Variants in KHDC1 observed in about 807,000 individuals in gnomAD.
KHDC1 encodes the protein KH homology domain-containing protein 1.
A neutral mutation model predicts 24.7 loss-of-function variants in KHDC1; 21 were observed. That is an observed-to-expected ratio of 0.85 (90% CI 0.60 to 1.23). The LOEUF is 1.23. Ranked by LOEUF, KHDC1 falls within the 50% of genes most tolerant of loss-of-function variation. The pLI, the probability that KHDC1 is intolerant of heterozygous loss-of-function variation, is 0.00. For synonymous variants in KHDC1, 98 were observed against 111.7 expected, an observed-to-expected ratio of 0.88 and a Z score of 0.77; for missense variants, 274 against 298.5, an observed-to-expected ratio of 0.92 and a Z score of 0.61.
At chr6:73,288,505 C>T (rs996946239) in intron 2 of KHDC1, among the ~76,000 whole-genome samples, 1 of 152,122 alleles carries the variant, frequency 6.6e-6, no homozygotes, top group East Asian at 1.9e-4. Flanking sequence ...CCTGTAGTCC[C>T]AGCTACTCAG....
intron 2 of KHDC1, among the ~76,000 whole-genome samples, chr6:73,287,534 A>G (rs146808576): frequency 1.3e-5 from 2 of 152,334 alleles, no homozygotes; most frequent in African/African-American, 4.8e-5. Context: ...GCCAGTTTCC[A>G]GATCTGAAAC....
chr6:73,292,752 G>A (rs1767679899), intron 1 of KHDC1: 9 of 729,288 alleles, frequency 1.2e-5, no homozygotes, highest in South Asian at 5.4e-5. Flanking sequence ...GTTCGAAAAC[G>A]TTGGCAGGTG....
intron 2 of KHDC1, among the ~76,000 whole-genome samples, chr6:73,259,652 G>A (rs964173480): frequency 3.9e-5 from 6 of 152,128 alleles, no homozygotes; most frequent in African/African-American, 1.4e-4. Flanking sequence ...TCATCCTTTA[G>A]ATTTATAAAC....
intron 1 of KHDC1, among the ~76,000 whole-genome samples, chr6:73,302,140 T>G (rs1324627296): frequency 6.6e-6 from 1 of 151,772 alleles, no homozygotes; most frequent in Admixed American, 6.6e-5. Context: ...AATACAAAAA[T>G]TAACTGGACA....
chr6:73,265,543 A>AG (rs1767064924), intron 2 of KHDC1, among the ~76,000 whole-genome samples: 1 of 151,702 alleles, frequency 6.6e-6, no homozygotes, highest in African/African-American at 2.4e-5. Context: ...AAAAAAAAAA[A>AG]AAAAAAAAAG....
chr6:73,271,118 A>C (rs1294752295), intron 2 of KHDC1, among the ~76,000 whole-genome samples: 2 of 152,202 alleles, frequency 1.3e-5, no homozygotes, highest in Non-Finnish European at 2.9e-5. Context: ...GGTCACAATC[A>C]ATACCCTTTA....
chr6:73,281,558 A>G (rs1767408985), intron 2 of KHDC1, among the ~76,000 whole-genome samples: 1 of 150,828 alleles, frequency 6.6e-6, no homozygotes, highest in African/African-American at 2.4e-5. Context: ...CAAAGATTCC[A>G]GTGAGCCAAG....
At chr6:73,274,307 A>C (rs1242717845) in intron 2 of KHDC1, 2 of 152,202 alleles carry the variant, frequency 1.3e-5, no homozygotes, top group Non-Finnish European at 1.5e-5. Flanking sequence ...ATCCCAGTCC[A>C]CTTCTATTTA....
rs991255523 is a variant in KHDC1 at position 73,248,837 on chromosome 6, G to A, written c.207-6307C>T. 5.3e-5 allele frequency among the ~76,000 whole-genome samples: 8 copies of A among 150,938 alleles called. No individual in the cohort carries two copies. In the South Asian group the frequency reaches 8.4e-4, roughly 16 times the overall value. ...GTCCTGTGGAGCTATTTGGTATTGC[G>A]TATCAGTGTTAATGTCTGAACTTCA... On this transcript the variant is annotated intron_variant, in intron 2 of 4. Transcript: ENST00000370384.
intron 2 of KHDC1, chr6:73,291,980 A>C: frequency 6.2e-7 from 1 of 1,613,738 alleles, no homozygotes; most frequent in Non-Finnish European, 8.5e-7. Context: ...GTACGACTTA[A>C]CTACTCGCAT....
intron 2 of KHDC1, among the ~76,000 whole-genome samples, chr6:73,270,827 A>G (rs1262009385): frequency 2.6e-5 from 4 of 151,718 alleles, no homozygotes; most frequent in African/African-American, 9.7e-5. Context: ...AGTAGCTGGG[A>G]CTACAGGCGC....
At chr6:73,308,503 G>A (rs1483414811) in intron 1 of KHDC1, among the ~76,000 whole-genome samples, 3 of 150,866 alleles carry the variant, frequency 2.0e-5, no homozygotes, top group African/African-American at 7.3e-5. Context: ...GAACCACCGC[G>A]TCCGGCTTTT....
rs544863361 is a variant in KHDC1, at chr6:73,308,509, C to CT, written c.163+1042dup. ...TACAGGAGTGAACCACCGCGTCCGG[C>CT]TTTTTTTTTTTTCTTTTTGGACAGG... On this transcript the variant is annotated intron_variant, in intron 1 of 4. Coordinates refer to ENST00000370384, the Ensembl canonical transcript of KHDC1. 1.4e-3 allele frequency among the ~76,000 whole-genome samples: 202 copies of CT among 143,148 alleles called. 1 individual carries two copies. In the Middle Eastern group the frequency reaches 0.015, roughly 10 times the overall value. 93.9% of individuals were successfully genotyped at this position (143,148 alleles called of 152,430 possible).
At chr6:73,302,262 C>G (rs1029967671) in intron 1 of KHDC1, among the ~76,000 whole-genome samples, 9 of 152,104 alleles carry the variant, frequency 5.9e-5, no homozygotes, top group Non-Finnish European at 1.3e-4. Context: ...GCACTCCAGC[C>G]TGAGCAACAG....
intron 2 of KHDC1, among the ~76,000 whole-genome samples, chr6:73,287,547 A>C (rs1041880300): frequency 1.3e-5 from 2 of 152,176 alleles, no homozygotes; most frequent in Non-Finnish European, 2.9e-5. Flanking sequence ...TCTGAAACTG[A>C]ATGACTGAAG....
chr6:73,299,379 G>C (rs981972005), intron 1 of KHDC1: 1 of 152,288 alleles, frequency 6.6e-6, no homozygotes, highest in Non-Finnish European at 1.5e-5. Context: ...GCACTGTTCC[G>C]TGAGCAGCTT....
At chr6:73,286,965 C>T (rs573872961) in intron 2 of KHDC1, among the ~76,000 whole-genome samples, 5 of 151,872 alleles carry the variant, frequency 3.3e-5, no homozygotes, top group Admixed American at 6.6e-5. Flanking sequence ...ATCCTACTAC[C>T]AGGATGGCTC....
chr6:73,246,368 C>T (rs995123270), intron 2 of KHDC1, among the ~76,000 whole-genome samples: 11 of 152,170 alleles, frequency 7.2e-5, no homozygotes, highest in African/African-American at 2.7e-4. Context: ...TTCTAGTTTA[C>T]ATTTTTAAAC....
chr6:73,291,972 A>G (rs575983359), intron 2 of KHDC1: 137 of 1,613,190 alleles, frequency 8.5e-5, no homozygotes, highest in Non-Finnish European at 9.6e-5. Context: ...ATGGCGGGGT[A>G]CGACTTAACT....
Sources: gnomAD v4.1 joint callset for allele counts (sites outside exome capture counted in the v4.1 genomes callset) on GRCh38, gnomAD v4.1.1 for gene constraint, MANE v1.5 for transcripts, NCBI Gene and HGNC (gene_info 2026-07-23, HGNC 2026-07-21) for gene names.